ARHGEF6: variants seen among roughly 807,000 people sequenced by gnomAD.
ARHGEF6 encodes rho guanine nucleotide exchange factor 6.
Under a neutral mutation model 70.3 loss-of-function variants are expected in ARHGEF6, and 9 were observed. The ratio of observed to expected loss-of-function variants is 0.13; its 90% CI spans 0.08 to 0.22. ARHGEF6 has a LOEUF of 0.22. ARHGEF6 is among the 10% of genes least tolerant of loss of function. The pLI is 1.00. For synonymous variants in ARHGEF6, 201 were observed against 207.8 expected (o/e 0.97, Z 0.28); for missense variants, 470 against 563.0 (o/e 0.83, Z 1.67).
At chrX:136,686,623 C>CAT (rs1453785488) in intron 11 of ARHGEF6, among the ~76,000 whole-genome samples, 6 of 42,603 alleles carry the variant, frequency 1.4e-4, no homozygotes, top group Non-Finnish European at 2.3e-4. Flanking sequence ...TATATATATA[C>CAT]ACATATATAT....
chrX:136,733,665 T>G (rs948609374), intron 5 of ARHGEF6, among the ~76,000 whole-genome samples: 2 of 112,439 alleles, frequency 1.8e-5, no homozygotes, highest in Non-Finnish European at 3.7e-5. Flanking sequence ...CTTAATAGCT[T>G]TTAAGACATA....
rs879134156 is a variant in ARHGEF6, at chrX:136,707,166, C to G, written c.924-136G>C. 8 of 755,978 alleles carry G rather than the reference C, an allele frequency of 1.1e-5. No individual in the cohort carries two copies. In the South Asian group the frequency reaches 2.1e-4, roughly 19 times the overall value. The allele number at this position is 755,978 out of a possible 1,213,427, so 62.3% of individuals were successfully genotyped here. ...GTTAAAAGAGAAACTATATTATAAC[C>G]ATTTTACCCATGAAACTCAAATTCT... On this transcript the variant is annotated intron_variant, in intron 8 of 21. Transcript: ENST00000250617.
intron 2 of ARHGEF6, among the ~76,000 whole-genome samples, chrX:136,752,159 G>A (rs1411984131): frequency 1.8e-5 from 2 of 112,442 alleles, no homozygotes; most frequent in Admixed American, 1.9e-4. Flanking sequence ...TGTATCATCT[G>A]CATCGAGTTT....
At chrX:136,754,344 G>C (rs2077182539) in intron 2 of ARHGEF6, among the ~76,000 whole-genome samples, 1 of 110,865 alleles carries the variant, frequency 9.0e-6, no homozygotes, top group East Asian at 2.8e-4. Flanking sequence ...CCAGCACCTT[G>C]GGAGGCCGAG....
intron 11 of ARHGEF6, 68 bp downstream of exon 11, chrX:136,687,864 C>A: frequency 1.1e-6 from 1 of 931,480 alleles, no homozygotes; most frequent in South Asian, 1.9e-5. Flanking sequence ...AGAAATGTTA[C>A]ACACAAATCG....
intron 9 of ARHGEF6, among the ~76,000 whole-genome samples, chrX:136,696,558 C>T (rs970623574): frequency 1.8e-5 from 2 of 110,184 alleles, no homozygotes; most frequent in African/African-American, 3.3e-5. Context: ...TTCAAGGCTG[C>T]GTTGAGTTAT....
At chrX:136,776,137 C>T (rs1476927219) in intron 2 of ARHGEF6, among the ~76,000 whole-genome samples, 1 of 111,364 alleles carries the variant, frequency 9.0e-6, no homozygotes, top group Non-Finnish European at 1.9e-5. Flanking sequence ...ACAAATTCAA[C>T]GCAATTCCCA....
chrX:136,757,724 C>T (rs991395778), intron 2 of ARHGEF6, among the ~76,000 whole-genome samples: 4 of 112,103 alleles, frequency 3.6e-5, no homozygotes, highest in Non-Finnish European at 7.5e-5. Context: ...AACTTGGACA[C>T]CTAACCATAC....
intron 2 of ARHGEF6, among the ~76,000 whole-genome samples, chrX:136,754,522 T>C (rs1051016681): frequency 1.1e-5 from 1 of 93,076 alleles, no homozygotes; most frequent in Non-Finnish European, 2.1e-5. Flanking sequence ...GAGGCGGAGG[T>C]TGCAGCGAGC....
At position 136,670,002 on chromosome X, in the gene ARHGEF6, C is replaced by CTT. The variant is rs761141463; in HGVS notation, c.2136-468_2136-467dup. On this transcript the variant is annotated intron_variant, in intron 20 of 21. Coordinates refer to ENST00000250617, the MANE Select transcript of ARHGEF6 (RefSeq NM_004840.3). ...TATGTGTGTGGTGGAAATCTACACTCTTAGCAAACTTCAAGTATACTCCAT... is the reference window on the plus strand; with the variant it reads ...TATGTGTGTGGTGGAAATCTACACTCTTTTAGCAAACTTCAAGTATACTCCAT... Among the ~76,000 whole-genome samples, 13 of 112,020 alleles carry CTT rather than the reference C, an allele frequency of 1.2e-4. No individual in the cohort carries two copies. In the South Asian group the frequency reaches 2.3e-3, roughly 19 times the overall value.
At chrX:136,752,170 G>T (rs1238531185) in intron 2 of ARHGEF6, among the ~76,000 whole-genome samples, 1 of 112,340 alleles carries the variant, frequency 8.9e-6, no homozygotes, top group Non-Finnish European at 1.9e-5. Context: ...CATCGAGTTT[G>T]TTATAGCCTC....
chrX:136,681,322 A>G (rs2076331226), intron 14 of ARHGEF6, among the ~76,000 whole-genome samples: 1 of 112,136 alleles, frequency 8.9e-6, no homozygotes, highest in South Asian at 3.7e-4. Flanking sequence ...GGGTAAGGCC[A>G]TGATCCCAGT....
chrX:136,721,551 A>C (rs898700282), intron 6 of ARHGEF6, among the ~76,000 whole-genome samples: 3 of 111,745 alleles, frequency 2.7e-5, no homozygotes, highest in Non-Finnish European at 5.6e-5. Context: ...TGACAGAGCA[A>C]GACCCTGTCT....
chrX:136,690,718 T>A lies in ARHGEF6; in HGVS notation c.1077A>T (p.Gln359His). The change falls in exon 10 of 22, where the codon CAA (glutamine) becomes CAT (histidine). Residue 359 changes from glutamine (Q) to histidine (H), a missense_variant. By Grantham distance (24) the Gln-to-His change is conservative (BLOSUM62 0). Around this residue, in one of 3 missense-constraint regions of ARHGEF6, gnomAD observed 379 missense variants for 449.3 expected, o/e 0.84. Transcript: ENST00000250617. ...TGAGGATACCTGGGCTCGATGCACCTTGATTTTCCATGAATTGTTCCAACT... is the reference window on the plus strand; with the variant it reads ...TGAGGATACCTGGGCTCGATGCACCATGATTTTCCATGAATTGTTCCAACT... ...SDELEQFMEN[Q>H]GASSPGILIL... The A allele has an allele frequency of 8.3e-7, 1 of 1,211,434 alleles. No individual in the cohort carries two copies. Among genetic ancestry groups the A allele is most frequent in the South Asian group, 1.8e-5 (1 of 56,982 alleles).
intron 6 of ARHGEF6, among the ~76,000 whole-genome samples, chrX:136,716,774 A>G (rs2076741059): frequency 8.9e-6 from 1 of 112,359 alleles, no homozygotes; most frequent in Admixed American, 9.4e-5. Context: ...ATTCTAAGAA[A>G]GAATCAAAAA....
chrX:136,760,292 G>C (rs934270450), intron 2 of ARHGEF6, among the ~76,000 whole-genome samples: 1 of 112,426 alleles, frequency 8.9e-6, no homozygotes, highest in African/African-American at 3.2e-5. Flanking sequence ...ATCACCAATC[G>C]CTCTGCATAC....
chrX:136,760,937 A>G (rs1486314770), intron 2 of ARHGEF6, among the ~76,000 whole-genome samples: 1 of 112,559 alleles, frequency 8.9e-6, no homozygotes, highest in Non-Finnish European at 1.9e-5. Flanking sequence ...AACTGAAAAT[A>G]GTCTTTTCTC....
At chrX:136,677,824 C>A (rs2076295330) in intron 17 of ARHGEF6, 112 bp downstream of exon 17, 2 of 607,246 alleles carry the variant, frequency 3.3e-6, no homozygotes, top group Admixed American at 6.5e-5. Flanking sequence ...CATATTTTAG[C>A]CACCAATTAT....
At chrX:136,688,049 AGGGTTAGG>A (rs1279069777) in intron 10 of ARHGEF6, 58 bp from the exon 11 acceptor site, 2 of 945,982 alleles carry the variant, frequency 2.1e-6, no homozygotes, top group Non-Finnish European at 3.1e-6. Flanking sequence ...GCAGTTGCCA[AGGGTTAGG>A]GGTAGAAAGA....
Sources: allele counts gnomAD v4.1 joint callset (sites outside exome capture counted in the v4.1 genomes callset), GRCh38; gene constraint gnomAD v4.1.1; regional missense constraint gnomAD v4.1.1; transcripts MANE v1.5; gene names NCBI Gene and HGNC (gene_info 2026-07-23, HGNC 2026-07-21).